The following EML4 variants were observed in gnomAD, a reference collection of about 807,000 sequenced individuals.
The protein encoded by EML4 is echinoderm microtubule-associated protein-like 4.
EML4 carries 72 observed loss-of-function variants against 129.0 expected under a neutral mutation model. The observed-to-expected ratio is 0.56, with a 90% confidence interval of 0.46 to 0.68. The LOEUF (loss-of-function observed/expected upper bound fraction) is 0.68. EML4 is among the 30% of genes least tolerant of loss of function. EML4 has a pLI of 0.00. For synonymous variants in EML4, 532 were observed against 405.0 expected, an observed-to-expected ratio of 1.31 and a Z score of -3.77; for missense variants, 1,363 against 1,190.6, an observed-to-expected ratio of 1.14 and a Z score of -2.13.
chr2:42,196,591 G>T (rs1192021616), intron 1 of EML4, among the ~76,000 whole-genome samples: 1 of 152,214 alleles, frequency 6.6e-6, no homozygotes, highest in Admixed American at 6.5e-5. Context: ...TAATCTGGCA[G>T]CTGGCGAGAA....
At chr2:42,233,464 C>G (rs1674477990) in intron 1 of EML4, among the ~76,000 whole-genome samples, 1 of 151,854 alleles carries the variant, frequency 6.6e-6, no homozygotes, top group Non-Finnish European at 1.5e-5. Context: ...CGCCACCATG[C>G]CCAGCCAATT....
At chr2:42,281,474 G>A (rs1252736396) in intron 7 of EML4, among the ~76,000 whole-genome samples, 1 of 151,686 alleles carries the variant, frequency 6.6e-6, no homozygotes, top group African/African-American at 2.4e-5. Flanking sequence ...TTATATCTTT[G>A]GAAAGGATAA....
At chr2:42,196,249 A>C (rs1008858111) in intron 1 of EML4, among the ~76,000 whole-genome samples, 1 of 152,192 alleles carries the variant, frequency 6.6e-6, no homozygotes, top group Non-Finnish European at 1.5e-5. Context: ...AATTTGGATA[A>C]AAATATTTAC....
In EML4 at chr2:42,315,995, A is replaced by C; in HGVS notation, c.2001A>C (p.Leu667=). The change falls in exon 18 of 23, where the codon CTA becomes CTC. Residue 667 remains leucine, a synonymous_variant. Transcript: ENST00000318522. Reference sequence around the variant, plus strand: ...TTCTGGATGCAGAAACCAGAGATCTAGTTTCTATCCACACAGACGGGAATG... The same window carrying C: ...TTCTGGATGCAGAAACCAGAGATCTCGTTTCTATCCACACAGACGGGAATG... ...WFVLDAETRD[L]VSIHTDGNEQ... 3 of 1,613,680 alleles carry C rather than the reference A, an allele frequency of 1.9e-6. No homozygotes were observed. Among genetic ancestry groups the C allele is most frequent in the Non-Finnish European group, 2.5e-6 (3 of 1,179,680 alleles).
chr2:42,244,597 G>T (rs1020985996), intron 1 of EML4, among the ~76,000 whole-genome samples: 1 of 152,076 alleles, frequency 6.6e-6, no homozygotes. Flanking sequence ...TTTTAAGAGA[G>T]GTTGTGGTGT....
At chr2:42,248,055 C>T (rs112283057) in intron 2 of EML4, among the ~76,000 whole-genome samples, 4 of 152,138 alleles carry the variant, frequency 2.6e-5, no homozygotes, top group South Asian at 2.1e-4. Context: ...TCACTGTAAC[C>T]TCAAACTGCT....
intron 1 of EML4, among the ~76,000 whole-genome samples, chr2:42,194,030 A>C (rs1207179186): frequency 1.3e-5 from 2 of 152,190 alleles, no homozygotes; most frequent in African/African-American, 2.4e-5. Flanking sequence ...ATTGTGAAAT[A>C]GTTGCAGAAT....
In EML4 at chr2:42,263,158, G is replaced by T; in HGVS notation, c.513-20G>T. ...TTTGATACTCAGAATTTTTCTCTAA[G>T]AAATTAATGTTCCTTCTAGCATAAA... On this transcript the variant is annotated intron_variant, in intron 4 of 22. Transcript: ENST00000318522. The T allele has an allele frequency of 6.3e-7, 1 of 1,594,772 alleles. No individual in the cohort carries two copies.
intron 2 of EML4, among the ~76,000 whole-genome samples, chr2:42,254,409 G>T (rs1333151749): frequency 6.6e-6 from 1 of 150,570 alleles, no homozygotes; most frequent in African/African-American, 2.5e-5. Context: ...AGTGAGCCAT[G>T]ATTGTGACAT....
chr2:42,322,521 C>G (rs142383232), intron 19 of EML4, among the ~76,000 whole-genome samples: 2,012 of 152,336 alleles, frequency 0.013, 23 homozygotes, highest in Non-Finnish European at 0.021. Context: ...TGATAATCAT[C>G]ATGCAGTTGA....
intron 11 of EML4, among the ~76,000 whole-genome samples, chr2:42,293,900 C>G (rs575519695): frequency 1.3e-5 from 2 of 152,356 alleles, no homozygotes; most frequent in South Asian, 4.1e-4. Context: ...TGAGCCACCA[C>G]GCCCGGCCCA....
intron 1 of EML4, among the ~76,000 whole-genome samples, chr2:42,208,634 C>T (rs554223029): frequency 6.6e-6 from 1 of 152,070 alleles, no homozygotes; most frequent in Middle Eastern, 3.4e-3. Flanking sequence ...GGGGTTTCAC[C>T]ATCTTGGCCA....
At chr2:42,203,445 A>G (rs1317987970) in intron 1 of EML4, among the ~76,000 whole-genome samples, 3 of 152,210 alleles carry the variant, frequency 2.0e-5, no homozygotes, top group African/African-American at 7.2e-5. Context: ...ATTTTTAAGC[A>G]AAGTATATTG....
intron 1 of EML4, among the ~76,000 whole-genome samples, chr2:42,174,858 C>G (rs1670506572): frequency 6.6e-6 from 1 of 151,940 alleles, no homozygotes; most frequent in South Asian, 2.1e-4. Context: ...TGCTCTGTTG[C>G]CCAGGCTGGA....
intron 1 of EML4, among the ~76,000 whole-genome samples, chr2:42,172,597 A>G (rs1316017208): frequency 6.6e-6 from 1 of 152,166 alleles, no homozygotes; most frequent in African/African-American, 2.4e-5. Context: ...CTTAGGTATT[A>G]TTAATATATC....
intron 1 of EML4, chr2:42,207,970 GAT>G (rs1672657658): frequency 6.6e-6 from 1 of 152,180 alleles, no homozygotes; most frequent in South Asian, 2.1e-4. Context: ...GCAGTATTTG[GAT>G]ATGAGTATGC....
chr2:42,253,228 G>A (rs1675895401), intron 2 of EML4, among the ~76,000 whole-genome samples: 1 of 152,146 alleles, frequency 6.6e-6, no homozygotes, highest in African/African-American at 2.4e-5. Context: ...GGCCCATAGT[G>A]GAAGGTTTTC....
chr2:42,317,400 A>G, intron 18 of EML4, 27 bp from the exon 19 acceptor site: 1 of 1,354,244 alleles, frequency 7.4e-7, no homozygotes, highest in Non-Finnish European at 1.0e-6. Context: ...ATATTTCTCT[A>G]GTCAACACTG....
chr2:42,283,491 G>A (rs1572686408), intron 8 of EML4, among the ~76,000 whole-genome samples: 1 of 152,014 alleles, frequency 6.6e-6, no homozygotes, highest in East Asian at 1.9e-4. Flanking sequence ...TTAGTTAAAT[G>A]CAATTATTTA....
Sources: allele counts gnomAD v4.1 joint callset (sites outside exome capture counted in the v4.1 genomes callset), GRCh38; gene constraint gnomAD v4.1.1; transcripts MANE v1.5; gene names NCBI Gene and HGNC (gene_info 2026-07-23, HGNC 2026-07-21).